BTBD8: variants seen among roughly 807,000 people sequenced by gnomAD.
BTBD8 encodes the protein BTB/POZ domain-containing protein 8.
In BTBD8, 110 loss-of-function variants were observed where a neutral mutation model predicts 162.9. The observed-to-expected ratio is 0.68, with a 90% CI of 0.58 to 0.79. The LOEUF (loss-of-function observed/expected upper bound fraction) is 0.79. BTBD8 is among the 30% of genes least tolerant of loss of function. The pLI, the probability that BTBD8 is intolerant of heterozygous loss-of-function variation, is 0.00. For missense variants in BTBD8, 1,905 were observed against 2,085.4 expected (o/e 0.91, Z 1.68); for synonymous variants, 667 against 716.1 (o/e 0.93, Z 1.10).
intron 9 of BTBD8, among the ~76,000 whole-genome samples, chr1:92,153,932 A>AG (rs1394717048): frequency 1.3e-5 from 2 of 152,046 alleles, no homozygotes; most frequent in African/African-American, 2.4e-5. Flanking sequence ...CCAGTGTTGG[A>AG]GGTGGGGCCT....
At chr1:92,116,334 T>C (rs910599892) in intron 4 of BTBD8, among the ~76,000 whole-genome samples, 2 of 152,132 alleles carry the variant, frequency 1.3e-5, no homozygotes, top group African/African-American at 2.4e-5. Flanking sequence ...TGGAGTGTTC[T>C]ATAAATGAAA....
chr1:92,132,831 TTTG>T lies in BTBD8; in HGVS notation c.752+3067_752+3069del, dbSNP rs199774662. On this transcript the variant is annotated intron_variant, in intron 5 of 17. Coordinates refer to ENST00000636805, the MANE Select transcript of BTBD8 (RefSeq NM_001376131.1). ...TTAATGCATTGAAAATGAAGATACT[TTTG>T]TTGTTGTTGTTCAAATGCTTTATCT... 9.0e-3 allele frequency among the ~76,000 whole-genome samples: 1,368 copies of T among 152,242 alleles called. 16 individuals are homozygous for T. The highest frequency in any genetic ancestry group is 0.031 in the African/African-American group (1,287 of 41,544).
chr1:92,100,625 T>A (rs898780363), intron 2 of BTBD8, among the ~76,000 whole-genome samples: 14 of 151,936 alleles, frequency 9.2e-5, no homozygotes, highest in African/African-American at 1.2e-4. Flanking sequence ...TATTATTATT[T>A]TTGAGATGGA....
Position 92,111,227 on chromosome 1 carries a change from G to A in BTBD8, c.662+3226G>A, listed in dbSNP as rs139602453. On this transcript the variant is annotated intron_variant, in intron 4 of 17. Coordinates refer to ENST00000636805, the MANE Select transcript of BTBD8 (RefSeq NM_001376131.1). Reference sequence around the variant, plus strand: ...AGGCTGGTCTCAAACTCCTGACCTCGAGTAATCTGCCCACCTCAGCCTCCC... The same window carrying A: ...AGGCTGGTCTCAAACTCCTGACCTCAAGTAATCTGCCCACCTCAGCCTCCC... Among the ~76,000 whole-genome samples the A allele has an allele frequency of 1.8e-3, 272 of 151,228 alleles. 3 individuals are homozygous for A. The highest frequency in any genetic ancestry group is 5.9e-3 in the African/African-American group (244 of 41,200).
Position 92,184,470 on chromosome 1 carries a change from TTTATTAATATATCACATATAGA to T in BTBD8, c.*141_*162del, listed in dbSNP as rs1570765793. 1.8e-6 allele frequency: 1 copy of T among 542,784 alleles called. No homozygotes were observed. Among genetic ancestry groups the T allele is most frequent in the Non-Finnish European group, 3.2e-6 (1 of 315,760 alleles). 33.6% of individuals were successfully genotyped at this position (542,784 alleles called of 1,614,324 possible). ...AATTTAATGAGGTAAACATAGTTTATTTATTAATATATCACATATAGAAAAATGTTTTTCTAAAGTTTTTGAG... is the reference window on the plus strand; with the variant it reads ...AATTTAATGAGGTAAACATAGTTTATAAAATGTTTTTCTAAAGTTTTTGAG... On this transcript the variant is annotated 3_prime_UTR_variant, in exon 18 of 18. Coordinates refer to ENST00000636805, the MANE Select transcript of BTBD8 (RefSeq NM_001376131.1).
At chr1:92,146,890 A>T (rs1365572932) in intron 7 of BTBD8, among the ~76,000 whole-genome samples, 2 of 152,170 alleles carry the variant, frequency 1.3e-5, no homozygotes, top group Non-Finnish European at 2.9e-5. Flanking sequence ...AAGTTTGGGC[A>T]GTTATGAAGA....
At chr1:92,169,535 G>A (rs1650478263) in intron 12 of BTBD8, among the ~76,000 whole-genome samples, 1 of 151,950 alleles carries the variant, frequency 6.6e-6, no homozygotes, top group South Asian at 2.1e-4. Flanking sequence ...TGAAACATTA[G>A]CATTAAACAA....
chr1:92,118,124 A>T (rs1649094188), intron 4 of BTBD8, among the ~76,000 whole-genome samples: 1 of 151,880 alleles, frequency 6.6e-6, no homozygotes, highest in East Asian at 1.9e-4. Flanking sequence ...AGTCAATATC[A>T]ATACATTGTT....
At chr1:92,159,553 C>T (rs772185311) in intron 9 of BTBD8, among the ~76,000 whole-genome samples, 16 of 152,142 alleles carry the variant, frequency 1.1e-4, no homozygotes, top group Non-Finnish European at 1.5e-5. Flanking sequence ...TTTGTTTCAA[C>T]TTGAAGAATT....
At chr1:92,101,081 A>G (rs893315815) in intron 2 of BTBD8, among the ~76,000 whole-genome samples, 1 of 151,768 alleles carries the variant, frequency 6.6e-6, no homozygotes, top group Non-Finnish European at 1.5e-5. Flanking sequence ...TCCTCCTTCC[A>G]CCGTTTCCCC....
At chr1:92,133,154 A>T (rs1649551707) in intron 5 of BTBD8, among the ~76,000 whole-genome samples, 1 of 152,182 alleles carries the variant, frequency 6.6e-6, no homozygotes, top group Non-Finnish European at 1.5e-5. Flanking sequence ...TACATTGTAA[A>T]CCTGGGCAGA....
chr1:92,172,397 T>G (rs1233684774), intron 13 of BTBD8, among the ~76,000 whole-genome samples: 1 of 152,192 alleles, frequency 6.6e-6, no homozygotes, highest in Admixed American at 6.5e-5. Flanking sequence ...AAAGAGTACT[T>G]AAGTGTATTA....
At chr1:92,114,758 C>A in intron 4 of BTBD8, 1 of 204,996 alleles carries the variant, frequency 4.9e-6, no homozygotes, top group South Asian at 9.1e-5. Context: ...GAACACTTCT[C>A]TCTTCCTCTC....
At chr1:92,089,291 G>T (rs1377372334) in intron 2 of BTBD8, among the ~76,000 whole-genome samples, 1 of 152,106 alleles carries the variant, frequency 6.6e-6, no homozygotes, top group East Asian at 1.9e-4. Flanking sequence ...TGCATTTTAG[G>T]ATGTTTAGTT....
At chr1:92,112,297 G>A (rs997997938) in intron 4 of BTBD8, among the ~76,000 whole-genome samples, 7 of 152,062 alleles carry the variant, frequency 4.6e-5, no homozygotes, top group Admixed American at 3.3e-4. Flanking sequence ...TCAGCTAATC[G>A]GGAGGCTGAG....
At chr1:92,106,761 A>G (rs1648740617) in intron 3 of BTBD8, among the ~76,000 whole-genome samples, 1 of 151,644 alleles carries the variant, frequency 6.6e-6, no homozygotes, top group Non-Finnish European at 1.5e-5. Context: ...TAGGCAAGAT[A>G]GATAGTTCAA....
intron 7 of BTBD8, among the ~76,000 whole-genome samples, chr1:92,146,595 A>G (rs765157472): frequency 3.9e-5 from 6 of 152,158 alleles, no homozygotes; most frequent in Non-Finnish European, 5.9e-5. Flanking sequence ...AAAATCCTCT[A>G]TGCTCTGACT....
chr1:92,182,091 G>C lies in BTBD8; in HGVS notation c.4408G>C (p.Asp1470His). ...QASVDSFSPS[D>H]VFDGISHEHH... is the part of the protein sequence containing the mutation. ...TTCTGTAGATTCTTTTTCACCTTCTGATGTTTTTGATGGCATTTCTCATGA... is the reference window on the plus strand; with the variant it reads ...TTCTGTAGATTCTTTTTCACCTTCTCATGTTTTTGATGGCATTTCTCATGA... Residue 1470 changes from aspartate to histidine, a missense_variant, in exon 17 of 18, where the codon GAT (aspartate) becomes CAT (histidine). By Grantham distance (81) the Asp-to-His change is moderately conservative. Around this residue, in one of 3 missense-constraint regions of BTBD8, gnomAD observed 517 missense variants for 606.6 expected, o/e 0.85. Coordinates refer to ENST00000636805, the MANE Select transcript of BTBD8 (RefSeq NM_001376131.1). 2 of 1,551,566 alleles carry C rather than the reference G, an allele frequency of 1.3e-6. No homozygotes were observed. Among genetic ancestry groups the C allele is most frequent in the African/African-American group, 2.7e-5 (2 of 73,162 alleles).
At chr1:92,083,315 C>T (rs1215893391) in intron 1 of BTBD8, among the ~76,000 whole-genome samples, 1 of 152,128 alleles carries the variant, frequency 6.6e-6, no homozygotes, top group African/African-American at 2.4e-5. Context: ...TCTCTCCTTA[C>T]CCATTTCTTT....
Sources: allele counts gnomAD v4.1 joint callset (sites outside exome capture counted in the v4.1 genomes callset), GRCh38; gene constraint gnomAD v4.1.1; regional missense constraint gnomAD v4.1.1; transcripts MANE v1.5; gene names NCBI Gene and HGNC (gene_info 2026-07-23, HGNC 2026-07-21).